Variants in DCDC1 observed in about 807,000 individuals in gnomAD.
The protein encoded by DCDC1 is doublecortin domain-containing protein 1.
Under a neutral mutation model 178.3 loss-of-function variants are expected in DCDC1, and 200 were observed. The observed-to-expected ratio is 1.12, with a 90% confidence interval of 1.00 to 1.26. The LOEUF (loss-of-function observed/expected upper bound fraction) is 1.26, where lower values mean the gene tolerates loss of function less well. DCDC1 is among the 50% of genes most tolerant of loss of function. The pLI is 0.00. For synonymous variants in DCDC1, 690 were observed against 604.8 expected, an observed-to-expected ratio of 1.14 and a Z score of -2.07; for missense variants, 1,983 against 1,749.2, an observed-to-expected ratio of 1.13 and a Z score of -2.38.
intron 7 of DCDC1, among the ~76,000 whole-genome samples, chr11:31,286,537 T>C (rs887042398): frequency 6.6e-6 from 1 of 151,878 alleles, no homozygotes; most frequent in African/African-American, 2.4e-5. Context: ...TCAATTATTA[T>C]TAATATTAAA....
At chr11:31,070,893 C>T (rs1458068545) in intron 18 of DCDC1, among the ~76,000 whole-genome samples, 2 of 152,154 alleles carry the variant, frequency 1.3e-5, no homozygotes, top group African/African-American at 4.8e-5. Context: ...GGCAAGTCTG[C>T]AGAATTTCAC....
rs550244706 is a variant in DCDC1 at position 30,922,927 on chromosome 11, G to C, written c.2998-289C>G. ...AATCTATAATTATTTCAAAATTAAA[G>C]TTTAAAAAATAATTGTTTAAGAAGA... On this transcript the variant is annotated intron_variant, in intron 23 of 38. Coordinates refer to ENST00000684477, the MANE Select transcript of DCDC1 (RefSeq NM_001387274.1). 2.7e-4 allele frequency among the ~76,000 whole-genome samples: 38 copies of C among 143,256 alleles called. No homozygotes were observed. In the South Asian group the frequency reaches 3.8e-3, roughly 14 times the overall value. The allele number at this position is 143,256 out of a possible 152,430, so 94.0% of individuals were successfully genotyped here. A position where few individuals can be genotyped will look rare whatever the true frequency, so the allele number is the denominator to read the frequency against.
chr11:31,154,190 C>G lies in DCDC1; in HGVS notation c.1222-16406G>C, dbSNP rs570727474. ...CTCCATGATAGTAAGTTTCCTGAGGCCTCCCTGGCCATGCTTCTTCTACAG... is the reference window on the plus strand; with the variant it reads ...CTCCATGATAGTAAGTTTCCTGAGGGCTCCCTGGCCATGCTTCTTCTACAG... On this transcript the variant is annotated intron_variant, in intron 9 of 38. Coordinates refer to ENST00000684477, the MANE Select transcript of DCDC1 (RefSeq NM_001387274.1). 2.1e-3 allele frequency among the ~76,000 whole-genome samples: 315 copies of G among 152,318 alleles called. 1 individual carries two copies. The highest frequency in any genetic ancestry group is 0.017 in the Middle Eastern group (5 of 294).
At chr11:31,149,381 A>G (rs1964870632) in intron 9 of DCDC1, among the ~76,000 whole-genome samples, 2 of 152,078 alleles carry the variant, frequency 1.3e-5, no homozygotes, top group South Asian at 4.1e-4. Context: ...TCAGCACTCT[A>G]TAAAATGGAT....
At chr11:31,351,652 G>A (rs938238369) in intron 1 of DCDC1, among the ~76,000 whole-genome samples, 1 of 152,102 alleles carries the variant, frequency 6.6e-6, no homozygotes, top group Non-Finnish European at 1.5e-5. Context: ...TTAATGGACA[G>A]TGTTCTTTAG....
At chr11:31,197,228 C>T (rs1051000300) in intron 9 of DCDC1, among the ~76,000 whole-genome samples, 2 of 152,074 alleles carry the variant, frequency 1.3e-5, no homozygotes, top group African/African-American at 4.8e-5. Context: ...GAAAGCACTA[C>T]ACATTCAACA....
At position 30,900,451 on chromosome 11, in the gene DCDC1, T is replaced by C. The variant is rs1366808456; in HGVS notation, c.4558A>G (p.Thr1520Ala). ...VKNRLFAKSV[T>A]SDSLDGIDKS... The stretch of plus-strand genomic sequence containing the variant: ...TCTATACCATCCAAACTATCGGATG[T>C]CACAGATTTTGCAAATAATCTGTTT... Residue 1520 changes from threonine (T) to alanine (A), a missense_variant, in exon 33 of 39, where the codon ACA becomes GCA. Transcript: ENST00000684477. 4 of 1,555,640 alleles carry C rather than the reference T, an allele frequency of 2.6e-6. No individual in the cohort carries two copies. Among genetic ancestry groups the C allele is most frequent in the Non-Finnish European group, 3.5e-6 (4 of 1,149,302 alleles).
In DCDC1 at chr11:31,143,541, T is replaced by C. The variant is rs552682321; in HGVS notation, c.1222-5757A>G. Among the ~76,000 whole-genome samples, 3 of 152,284 alleles carry C rather than the reference T, an allele frequency of 2.0e-5. No individual in the cohort carries two copies. In the South Asian group the frequency reaches 6.2e-4, roughly 32 times the overall value. ...CTTAATCTATTTTTGAACTTAAATA[T>C]AAGTGGAGCATATGTGCCAAGAGCC... is the stretch of plus-strand genomic sequence containing the variant. On this transcript the variant is annotated intron_variant, in intron 9 of 38. Transcript: ENST00000684477.
chr11:31,176,260 G>C (rs928719071), intron 9 of DCDC1, among the ~76,000 whole-genome samples: 5 of 152,114 alleles, frequency 3.3e-5, no homozygotes, highest in Non-Finnish European at 1.5e-5. Flanking sequence ...TGAAATAAAT[G>C]ATATAATTGA....
chr11:31,329,603 A>G (rs747188910), intron 2 of DCDC1, among the ~76,000 whole-genome samples: 1 of 151,910 alleles, frequency 6.6e-6, no homozygotes, highest in Non-Finnish European at 1.5e-5. Flanking sequence ...CCTGTGTCCA[A>G]GTGTTCTCAT....
chr11:31,027,054 A>G (rs1391678390), intron 20 of DCDC1, among the ~76,000 whole-genome samples: 2 of 151,762 alleles, frequency 1.3e-5, no homozygotes, highest in African/African-American at 4.8e-5. Context: ...TGTAGTTACT[A>G]TTACATAAGT....
At chr11:31,188,567 A>C (rs144153224) in intron 9 of DCDC1, among the ~76,000 whole-genome samples, 1 of 152,148 alleles carries the variant, frequency 6.6e-6, no homozygotes, top group Non-Finnish European at 1.5e-5. Flanking sequence ...TTTCAGTAGA[A>C]CCATGTCAAA....
rs183860595 is a variant in DCDC1, at chr11:31,057,989, G to T, written c.2591+6480C>A. Among the ~76,000 whole-genome samples the T allele has an allele frequency of 6.2e-4, 95 of 152,196 alleles. No homozygotes were observed. In the East Asian group the frequency reaches 0.013, roughly 21 times the overall value. On this transcript the variant is annotated intron_variant, in intron 20 of 38. Coordinates refer to ENST00000684477, the MANE Select transcript of DCDC1 (RefSeq NM_001387274.1). The stretch of plus-strand genomic sequence containing the variant: ...GACAGCTCTGTGTGGGGACAGCTCT[G>T]TGAGGCCAGAAAGTGTACCTGTCTT...
At chr11:31,077,329 A>G (rs143145142) in intron 18 of DCDC1, among the ~76,000 whole-genome samples, 1 of 152,330 alleles carries the variant, frequency 6.6e-6, no homozygotes, top group East Asian at 1.9e-4. Context: ...CAACCCTGCC[A>G]TATAGTATTC....
At chr11:31,159,930 A>G (rs1485621598) in intron 9 of DCDC1, among the ~76,000 whole-genome samples, 1 of 152,190 alleles carries the variant, frequency 6.6e-6, no homozygotes, top group African/African-American at 2.4e-5. Context: ...GGAATTCTTC[A>G]GCTGCCATTC....
intron 9 of DCDC1, among the ~76,000 whole-genome samples, chr11:31,206,792 C>T (rs1474633376): frequency 1.3e-5 from 2 of 152,110 alleles, no homozygotes; most frequent in Non-Finnish European, 2.9e-5. Flanking sequence ...GATGAATTCC[C>T]TATTTATTCT....
rs576130105 is a variant in DCDC1 at position 30,886,757 on chromosome 11, T to A, written c.5083-5449A>T. ...AATTCAATCCATAGCAGTCACTATT[T>A]TTTTTTTTCTACTCCAAGGAAACCA... On this transcript the variant is annotated intron_variant, in intron 36 of 38. Coordinates refer to ENST00000684477, the MANE Select transcript of DCDC1 (RefSeq NM_001387274.1). Among the ~76,000 whole-genome samples, 159 of 152,214 alleles carry A rather than the reference T, an allele frequency of 1.0e-3. 2 individuals carry two copies. The East Asian group carries it at 0.023, about 22-fold the overall frequency.
At chr11:31,310,308 ATTTTTTTTT>A (rs11407483) in intron 3 of DCDC1, among the ~76,000 whole-genome samples, 69 of 53,882 alleles carry the variant, frequency 1.3e-3, no homozygotes, top group Non-Finnish European at 1.7e-3. Flanking sequence ...GTAATTCTTG[ATTTTTTTTT>A]TTTTTTTTTT....
intron 20 of DCDC1, among the ~76,000 whole-genome samples, chr11:30,970,623 GC>G (rs1949722536): frequency 6.6e-6 from 1 of 152,160 alleles, no homozygotes; most frequent in South Asian, 2.1e-4. Flanking sequence ...ATTTGCTAAT[GC>G]CCTGAGGACA....
Sources: allele counts gnomAD v4.1 joint callset (sites outside exome capture counted in the v4.1 genomes callset), GRCh38; gene constraint gnomAD v4.1.1; transcripts MANE v1.5; gene names NCBI Gene and HGNC (gene_info 2026-07-23, HGNC 2026-07-21).